ZW10: variants seen among roughly 807,000 people sequenced by gnomAD.
ZW10 encodes the protein zw10 kinetochore protein, also known as centromere/kinetochore protein zw10 homolog.
Under a neutral mutation model 87.8 loss-of-function variants are expected in ZW10, and 53 were observed. That is an observed-to-expected ratio of 0.60 (90% CI 0.48 to 0.76). The LOEUF (loss-of-function observed/expected upper bound fraction) is 0.76. ZW10 is among the 30% of genes least tolerant of loss of function. ZW10 has a pLI of 0.00. For missense variants in ZW10, 837 were observed against 923.0 expected (o/e 0.91, Z 1.21); for synonymous variants, 312 against 329.2 (o/e 0.95, Z 0.57).
At chr11:113,746,833 G>A (rs1347845348) in intron 9 of ZW10, among the ~76,000 whole-genome samples, 1 of 152,132 alleles carries the variant, frequency 6.6e-6, no homozygotes, top group Non-Finnish European at 1.5e-5. Flanking sequence ...GAATGCAATA[G>A]ATAATAGAGT....
chr11:113,768,667 A>G (rs557464791), intron 2 of ZW10, among the ~76,000 whole-genome samples, 166 bp downstream of exon 2: 4 of 152,194 alleles, frequency 2.6e-5, no homozygotes, highest in South Asian at 2.1e-4. Context: ...TTTTGGAAAT[A>G]CTTCTATTTC....
chr11:113,747,151 C>T (rs1037581588), intron 9 of ZW10, among the ~76,000 whole-genome samples: 1 of 152,178 alleles, frequency 6.6e-6, no homozygotes, highest in Non-Finnish European at 1.5e-5. Flanking sequence ...GAAGTCAACA[C>T]TTTCATAAGA....
At chr11:113,762,078 A>C (rs557336002) in intron 2 of ZW10, among the ~76,000 whole-genome samples, 7 of 152,332 alleles carry the variant, frequency 4.6e-5, no homozygotes, top group Non-Finnish European at 1.0e-4. Context: ...CATTCTAAGA[A>C]ATGCAGTTAG....
At chr11:113,761,489 C>T (rs1436447333) in intron 2 of ZW10, among the ~76,000 whole-genome samples, 5 of 152,042 alleles carry the variant, frequency 3.3e-5, no homozygotes, top group Non-Finnish European at 7.4e-5. Flanking sequence ...CCATGTTGTC[C>T]AGGCTGGTCT....
At chr11:113,756,137 G>A (rs1026738991) in intron 7 of ZW10, among the ~76,000 whole-genome samples, 1 of 152,128 alleles carries the variant, frequency 6.6e-6, no homozygotes, top group Non-Finnish European at 1.5e-5. Flanking sequence ...TAAGGGTAGA[G>A]TCCTGATCCA....
In ZW10 at chr11:113,766,083, G is replaced by A. The variant is rs183846783; in HGVS notation, c.240+2750C>T. On this transcript the variant is annotated intron_variant, in intron 2 of 15. Coordinates refer to ENST00000200135, the MANE Select transcript of ZW10 (RefSeq NM_004724.4). ...AGACTCACGTCTTCTACAAATCCAT[G>A]AAACTTTCCAGGCACGGTGACTCAA... is the stretch of plus-strand genomic sequence containing the variant. Among the ~76,000 whole-genome samples, 103 of 152,284 alleles carry A rather than the reference G, an allele frequency of 6.8e-4. No homozygotes were observed. The East Asian group carries it at 9.1e-3, about 13-fold the overall frequency.
intron 9 of ZW10, among the ~76,000 whole-genome samples, chr11:113,744,241 G>T (rs1464695714): frequency 6.6e-6 from 1 of 152,082 alleles, no homozygotes; most frequent in Non-Finnish European, 1.5e-5. Flanking sequence ...CAAAAAATTG[G>T]CCGGGCGTGG....
intron 1 of ZW10, chr11:113,771,244 G>A (rs1337063688): frequency 6.6e-6 from 1 of 152,268 alleles, no homozygotes; most frequent in African/African-American, 2.4e-5. Context: ...CCAAAGTGCT[G>A]GGATTACAGG....
At chr11:113,746,495 C>CAAAAAAAAAAAAAAAAAAAAACAA (rs566009326) in intron 9 of ZW10, among the ~76,000 whole-genome samples, 2 of 105,342 alleles carry the variant, frequency 1.9e-5, no homozygotes, top group Non-Finnish European at 3.7e-5. Flanking sequence ...ACAAAACAGT[C>CAAAAAAAAAAAAAAAAAAAAACAA]AAAAAAAAAA....
chr11:113,747,071 A>G (rs1953685932), intron 9 of ZW10, among the ~76,000 whole-genome samples: 1 of 152,130 alleles, frequency 6.6e-6, no homozygotes, highest in African/African-American at 2.4e-5. Context: ...TTTACAGGTA[A>G]TTATTTATAT....
In ZW10 at chr11:113,767,773, T is replaced by C. The variant is rs181721945; in HGVS notation, c.240+1060A>G. ...TAACCTGATATGCAAGGCCCTTGCT[T>C]ACCTTTCTAATTTCATCTTATGTCC... is the stretch of plus-strand genomic sequence containing the variant. On this transcript the variant is annotated intron_variant, in intron 2 of 15. Coordinates refer to ENST00000200135, the MANE Select transcript of ZW10 (RefSeq NM_004724.4). 6.9e-4 allele frequency among the ~76,000 whole-genome samples: 105 copies of C among 152,308 alleles called. 1 individual carries two copies. Among genetic ancestry groups the C allele is most frequent in the African/African-American group, 2.5e-3 (102 of 41,556 alleles).
chr11:113,733,836 T>C (rs762590711), intron 15 of ZW10, 22 bp from the exon 16 acceptor site: 1 of 1,581,952 alleles, frequency 6.3e-7, no homozygotes, highest in Non-Finnish European at 8.6e-7. Context: ...AAGATAGAGT[T>C]CCATTTCCTA....
intron 11 of ZW10, 73 bp from the exon 12 acceptor site, chr11:113,739,455 C>T (rs1253009582): frequency 7.5e-7 from 1 of 1,340,382 alleles, no homozygotes; most frequent in African/African-American, 1.5e-5. Flanking sequence ...AAAGTCACAA[C>T]TTCTCTAATG....
chr11:113,740,379 A>G (rs757263979), intron 11 of ZW10, among the ~76,000 whole-genome samples: 3 of 152,144 alleles, frequency 2.0e-5, no homozygotes, highest in Non-Finnish European at 4.4e-5. Context: ...ACTTGAGCCA[A>G]GGAGTTCAAG....
Position 113,737,705 on chromosome 11 carries a change from T to A in ZW10, c.1885-2A>T. ...AAGTCTCTTTAGTTGGTGCAGTACC[T>A]GTAGAAGAATACAGCTATTTACGTG... On this transcript the variant is annotated splice_acceptor_variant, in intron 13 of 15. Coordinates refer to ENST00000200135, the MANE Select transcript of ZW10 (RefSeq NM_004724.4). LOFTEE classifies it high-confidence loss of function. 1 of 1,602,104 alleles carries A rather than the reference T, an allele frequency of 6.2e-7. No homozygotes were observed. Among genetic ancestry groups the A allele is most frequent in the Non-Finnish European group, 8.5e-7 (1 of 1,173,116 alleles).
At chr11:113,755,043 A>T (rs74484528) in intron 7 of ZW10, among the ~76,000 whole-genome samples, 12,865 of 152,256 alleles carry the variant, frequency 0.084, 580 homozygotes, top group Middle Eastern at 0.16. Context: ...ATGCACCTGG[A>T]CGCCCAAGAA....
intron 10 of ZW10, among the ~76,000 whole-genome samples, chr11:113,743,431 G>A (rs571014522): frequency 1.7e-4 from 26 of 152,126 alleles, no homozygotes; most frequent in Non-Finnish European, 3.4e-4. Context: ...TAAGTTCTTT[G>A]CATGTGTTTT....
rs1225220163 is a variant in ZW10, at chr11:113,733,584, T to C, written c.*110A>G. The C allele has an allele frequency of 2.7e-6, 4 of 1,460,586 alleles. No individual in the cohort carries two copies. Among genetic ancestry groups the C allele is most frequent in the Non-Finnish European group, 3.8e-6 (4 of 1,058,180 alleles). 90.5% of individuals were successfully genotyped at this position (1,460,586 alleles called of 1,614,324 possible). A position where few individuals can be genotyped will look rare whatever the true frequency, so the allele number is the denominator to read the frequency against. ...CTTCTGTAAAGTCAAACTTCCAAGA[T>C]GTACTGGTTCACCAAAACCAATGGG... On this transcript the variant is annotated 3_prime_UTR_variant, in exon 16 of 16. Coordinates refer to ENST00000200135, the MANE Select transcript of ZW10 (RefSeq NM_004724.4).
chr11:113,762,496 T>TA (rs1565287622), intron 2 of ZW10, among the ~76,000 whole-genome samples: 4 of 152,202 alleles, frequency 2.6e-5, no homozygotes, highest in African/African-American at 9.7e-5. Context: ...ATTAGCTTAC[T>TA]GTAACATTTT....
Sources: allele counts gnomAD v4.1 joint callset (sites outside exome capture counted in the v4.1 genomes callset), GRCh38; gene constraint gnomAD v4.1.1; transcripts MANE v1.5; gene names NCBI Gene and HGNC (gene_info 2026-07-23, HGNC 2026-07-21).